The following MYO1D variants were observed in gnomAD, a reference collection of about 807,000 sequenced individuals.
MYO1D encodes the protein myosin ID.
Under a neutral mutation model 122.0 loss-of-function variants are expected in MYO1D, and 83 were observed. The observed-to-expected ratio is 0.68, with a 90% confidence interval of 0.57 to 0.82. MYO1D has a LOEUF of 0.82. MYO1D is among the 40% of genes least tolerant of loss of function. The pLI, the probability that MYO1D is intolerant of heterozygous loss-of-function variation, is 0.00. For missense variants in MYO1D, 1,157 were observed against 1,269.5 expected, an observed-to-expected ratio of 0.91 and a Z score of 1.35; for synonymous variants, 464 against 446.9, an observed-to-expected ratio of 1.04 and a Z score of -0.48.
intron 10 of MYO1D, among the ~76,000 whole-genome samples, chr17:32,757,665 G>A (rs1331024932): frequency 6.6e-6 from 1 of 152,092 alleles, no homozygotes; most frequent in Admixed American, 6.6e-5. Context: ...GAAGTCTTTT[G>A]TCCCAGGGAC....
intron 14 of MYO1D, among the ~76,000 whole-genome samples, chr17:32,732,630 C>G (rs2089654204): frequency 6.6e-6 from 1 of 152,222 alleles, no homozygotes; most frequent in East Asian, 1.9e-4. Flanking sequence ...GCTGTTCTGT[C>G]ACCCAATAAA....
intron 21 of MYO1D, among the ~76,000 whole-genome samples, chr17:32,567,648 T>C (rs1195030194): frequency 6.6e-6 from 1 of 152,222 alleles, no homozygotes; most frequent in Non-Finnish European, 1.5e-5. Context: ...GAACTTGGGC[T>C]TCAGTCATGG....
chr17:32,583,728 TTTCTTTGTTTG>T (rs1166323095), intron 21 of MYO1D, among the ~76,000 whole-genome samples: 2 of 151,946 alleles, frequency 1.3e-5, no homozygotes, highest in Non-Finnish European at 2.9e-5. Context: ...TTTGAGTCTT[TTTCTTTGTTTG>T]TTCTTTGTTT....
At chr17:32,602,325 TG>T (rs2087571586) in intron 21 of MYO1D, among the ~76,000 whole-genome samples, 1 of 152,232 alleles carries the variant, frequency 6.6e-6, no homozygotes, top group Admixed American at 6.5e-5. Context: ...AATCTTTGAC[TG>T]GATGTCAGAC....
chr17:32,670,872 C>T (rs1374947965), intron 16 of MYO1D, among the ~76,000 whole-genome samples: 1 of 152,186 alleles, frequency 6.6e-6, no homozygotes, highest in Non-Finnish European at 1.5e-5. Flanking sequence ...TCTGCCTTTA[C>T]CACCCTTCAA....
At chr17:32,733,931 T>C (rs533539701) in intron 14 of MYO1D, among the ~76,000 whole-genome samples, 52 of 152,338 alleles carry the variant, frequency 3.4e-4, no homozygotes, top group Admixed American at 5.2e-4. Flanking sequence ...ATTTTTGAGG[T>C]CTTTACATCT....
chr17:32,562,758 ATGC>A (rs2087137649), intron 21 of MYO1D, among the ~76,000 whole-genome samples: 1 of 152,174 alleles, frequency 6.6e-6, no homozygotes, highest in Non-Finnish European at 1.5e-5. Flanking sequence ...GTGCGCCACC[ATGC>A]CCGGACAGGA....
intron 20 of MYO1D, among the ~76,000 whole-genome samples, chr17:32,620,248 G>A (rs1206609527): frequency 6.6e-6 from 1 of 152,158 alleles, no homozygotes; most frequent in Non-Finnish European, 1.5e-5. Flanking sequence ...CTTGACACCA[G>A]CCCAGCAGGG....
rs2088855610 is a variant in MYO1D, at chr17:32,678,386, C to T, written c.2122-19048G>A. ...ACTCGTCATCTAGCATTAGGTATAT[C>T]TCCCGATGCTATCCCTCCCCCCTCC... On this transcript the variant is annotated intron_variant, in intron 16 of 21. Coordinates refer to ENST00000318217, the MANE Select transcript of MYO1D (RefSeq NM_015194.3). 2.0e-5 allele frequency among the ~76,000 whole-genome samples: 3 copies of T among 149,970 alleles called. No homozygotes were observed. The South Asian group carries it at 6.5e-4, about 32-fold the overall frequency.
chr17:32,624,614 CCTT>C, intron 20 of MYO1D, among the ~76,000 whole-genome samples: 2 of 152,142 alleles, frequency 1.3e-5, no homozygotes, highest in East Asian at 1.9e-4. Flanking sequence ...TTTTTTCTGG[CCTT>C]CTTGAGACTG....
intron 19 of MYO1D, among the ~76,000 whole-genome samples, chr17:32,640,668 T>G (rs947576523): frequency 8.6e-5 from 13 of 151,490 alleles, no homozygotes; most frequent in African/African-American, 2.9e-4. Flanking sequence ...TCATTTTTTA[T>G]GGCTGCATAG....
At chr17:32,834,517 C>T (rs2090803168) in intron 1 of MYO1D, among the ~76,000 whole-genome samples, 2 of 152,186 alleles carry the variant, frequency 1.3e-5, no homozygotes, top group African/African-American at 4.8e-5. Context: ...TCATCAAGAC[C>T]TCTTGAGTCT....
At chr17:32,536,653 T>C (rs114966155) in intron 21 of MYO1D, among the ~76,000 whole-genome samples, 5,184 of 152,306 alleles carry the variant, frequency 0.034, 181 homozygotes, top group African/African-American at 0.093. Context: ...AGATTTAAGC[T>C]GGGAAATTAA....
intron 21 of MYO1D, among the ~76,000 whole-genome samples, chr17:32,545,254 G>A (rs1252794386): frequency 6.6e-6 from 1 of 152,170 alleles, no homozygotes. Flanking sequence ...AGCCTCTCCA[G>A]GGCTCAGTTT....
intron 15 of MYO1D, among the ~76,000 whole-genome samples, chr17:32,719,545 T>G (rs1438649230): frequency 6.6e-6 from 1 of 152,006 alleles, no homozygotes; most frequent in Non-Finnish European, 1.5e-5. Flanking sequence ...AGAGATGGGG[T>G]TTCACCTTGT....
chr17:32,676,606 T>C (rs1476086893), intron 16 of MYO1D, among the ~76,000 whole-genome samples: 3 of 152,032 alleles, frequency 2.0e-5, no homozygotes, highest in African/African-American at 4.8e-5. Flanking sequence ...TCCCTGAACC[T>C]AGAACCTGTG....
chr17:32,815,902 T>C (rs190881661), intron 1 of MYO1D, among the ~76,000 whole-genome samples: 1 of 152,398 alleles, frequency 6.6e-6, no homozygotes, highest in East Asian at 1.9e-4. Flanking sequence ...CTTGTAAGTT[T>C]GTTTACTAGT....
At chr17:32,561,266 C>T (rs543646690) in intron 21 of MYO1D, among the ~76,000 whole-genome samples, 4 of 152,072 alleles carry the variant, frequency 2.6e-5, no homozygotes, top group South Asian at 2.1e-4. Flanking sequence ...AAGAGTAAAC[C>T]GGCACTTATA....
chr17:32,670,011 A>T (rs535427422), intron 16 of MYO1D, among the ~76,000 whole-genome samples: 40 of 151,472 alleles, frequency 2.6e-4, no homozygotes, highest in African/African-American at 9.2e-4. Context: ...TCTTGTCTCA[A>T]CCTCCTGAGT....
Sources: gnomAD v4.1 joint callset for allele counts (sites outside exome capture counted in the v4.1 genomes callset) on GRCh38, gnomAD v4.1.1 for gene constraint, MANE v1.5 for transcripts, NCBI Gene and HGNC (gene_info 2026-07-23, HGNC 2026-07-21) for gene names.